PJVK: variants seen among roughly 807,000 people sequenced by gnomAD.
PJVK encodes the protein pejvakin.
In PJVK, 33 loss-of-function variants were observed where a neutral mutation model predicts 37.6. The observed-to-expected ratio is 0.88, with a 90% CI of 0.67 to 1.17. The LOEUF is 1.17. Ranked by LOEUF, PJVK falls within the 50% of genes most tolerant of loss-of-function variation. The pLI is 0.00. For missense variants in PJVK, 410 were observed against 413.8 expected (o/e 0.99, Z 0.08); for synonymous variants, 141 against 143.5 (o/e 0.98, Z 0.13).
intron 3 of PJVK, chr2:178,455,028 G>A (rs969780770): frequency 2.6e-6 from 3 of 1,136,282 alleles, no homozygotes; most frequent in African/African-American, 3.0e-5. Flanking sequence ...GAAGGACGTG[G>A]TGGTGGCATC....
intron 5 of PJVK, 73 bp downstream of exon 5, chr2:178,458,700 C>G (rs1467888161): frequency 8.7e-7 from 1 of 1,146,988 alleles, no homozygotes; most frequent in Non-Finnish European, 1.3e-6. Context: ...TGTGCTCTCT[C>G]TCTCTCTTTT....
chr2:178,457,516 T>C (rs577248187), intron 4 of PJVK, among the ~76,000 whole-genome samples: 7 of 152,336 alleles, frequency 4.6e-5, no homozygotes, highest in African/African-American at 1.7e-4. Context: ...CTCGGAAGGC[T>C]GAGGCAGGGG....
chr2:178,461,123 A>T lies in PJVK; in HGVS notation c.908A>T (p.Asn303Ile). The T allele has an allele frequency of 6.2e-7, 1 of 1,614,134 alleles. No individual in the cohort carries two copies. The highest frequency in any genetic ancestry group is 8.5e-7 in the Non-Finnish European group (1 of 1,180,022). Reference protein sequence around the residue: ...THIRVNLLNHNIPKGPCILCG... With the variant: ...THIRVNLLNHIIPKGPCILCG... ...ATCCGAGTTAACTTACTTAATCACA[A>T]CATTCCCAAAGGGCCTTGCATACTC... Residue 303 changes from asparagine (N) to isoleucine (I), a missense_variant, in exon 7 of 7, where the codon AAC becomes ATC. Transcript: ENST00000644580.
intron 4 of PJVK, among the ~76,000 whole-genome samples, chr2:178,456,927 T>G (rs923480475): frequency 1.5e-4 from 23 of 152,272 alleles, no homozygotes; most frequent in African/African-American, 5.5e-4. Context: ...TGAATTGATT[T>G]AAGTGATAGA....
intron 3 of PJVK, chr2:178,454,877 G>A (rs1047615603): frequency 1.7e-5 from 17 of 981,936 alleles, no homozygotes; most frequent in Admixed American, 6.8e-5. Flanking sequence ...AGGAAGATGA[G>A]GAGGAGGAAG....
At chr2:178,459,892 G>C (rs1684375870) in intron 5 of PJVK, 1 of 166,452 alleles carries the variant, frequency 6.0e-6, no homozygotes. Context: ...ACATTAAGGA[G>C]ACTAAATAAT....
Position 178,460,347 on chromosome 2 carries a change from G to T in PJVK, c.668-1G>T. The T allele has an allele frequency of 6.2e-7, 1 of 1,613,256 alleles. No individual in the cohort carries two copies. Among genetic ancestry groups the T allele is most frequent in the South Asian group, 1.1e-5 (1 of 91,034 alleles). ...ACATCTTCTAACAATTTTTTTTGTAGACCTTTGTGTCACTTCAGTGTCAAA... is the reference window on the plus strand; with the variant it reads ...ACATCTTCTAACAATTTTTTTTGTATACCTTTGTGTCACTTCAGTGTCAAA... On this transcript the variant is annotated splice_acceptor_variant, in intron 5 of 6. Coordinates refer to ENST00000644580, the MANE Select transcript of PJVK (RefSeq NM_001042702.5). LOFTEE classifies it high-confidence loss of function.
intron 1 of PJVK, chr2:178,452,265 C>A (rs1383189846): frequency 1.0e-6 from 1 of 977,678 alleles, no homozygotes; most frequent in African/African-American, 1.8e-5. Context: ...TGCACTCCAG[C>A]CTGGGCGACA....
At chr2:178,451,872 T>C in intron 1 of PJVK, 103 bp downstream of exon 1, 1 of 985,038 alleles carries the variant, frequency 1.0e-6, no homozygotes, top group Non-Finnish European at 1.2e-6. Flanking sequence ...GCACCTTTGG[T>C]GGGCCATTAG....
At chr2:178,453,755 AATAAC>A (rs1697866929) in intron 2 of PJVK, 135 bp downstream of exon 2, 1 of 728,896 alleles carries the variant, frequency 1.4e-6, no homozygotes, top group Non-Finnish European at 2.4e-6. Context: ...ATGTTAGTGT[AATAAC>A]ATTATTAAGA....
In PJVK at chr2:178,454,454, G is replaced by A. The variant is rs999231863; in HGVS notation, c.334G>A (p.Val112Met). Residue 112 changes from valine (V) to methionine (M), a missense_variant, in exon 3 of 7, where the codon GTG (valine) becomes ATG (methionine). Coordinates refer to ENST00000644580, the MANE Select transcript of PJVK (RefSeq NM_001042702.5). Reference protein sequence around the residue: ...INVAGSDSIAVKASFGIVTKH... With the variant: ...INVAGSDSIAMKASFGIVTKH... ...CGTTGCTGGATCAGATTCCATTGCAGTGAAAGCTTCATTTGGTATAGTAAC... is the reference window on the plus strand; with the variant it reads ...CGTTGCTGGATCAGATTCCATTGCAATGAAAGCTTCATTTGGTATAGTAAC... 4 of 1,613,852 alleles carry A rather than the reference G, an allele frequency of 2.5e-6. No individual in the cohort carries two copies. Among genetic ancestry groups the A allele is most frequent in the South Asian group, 2.2e-5 (2 of 91,078 alleles).
intron 3 of PJVK, chr2:178,455,308 T>C: frequency 1.5e-6 from 2 of 1,343,706 alleles, no homozygotes; most frequent in Non-Finnish European, 2.1e-6. Context: ...AGACAATCTA[T>C]GACCAGTAAC....
At position 178,461,584 on chromosome 2, in the gene PJVK, C is replaced by CTTTTTTTTTTTTTTTTTTTTTTTTTTTTT. The variant is rs536141412; in HGVS notation, c.*328_*329insTTTTTTTTTTTTTTTTTTTTTTTTTTTTT. On this transcript the variant is annotated 3_prime_UTR_variant, in exon 7 of 7. Coordinates refer to ENST00000644580, the MANE Select transcript of PJVK (RefSeq NM_001042702.5). ...GATGTAGTCTATCATTTTAGTTCAC[C>CTTTTTTTTTTTTTTTTTTTTTTTTTTTTT]TTTTTTTTTTTTTTTTTTGAGACAG... is the stretch of plus-strand genomic sequence containing the variant. Among the ~76,000 whole-genome samples, 1 of 122,798 alleles carries CTTTTTTTTTTTTTTTTTTTTTTTTTTTTT rather than the reference C, an allele frequency of 8.1e-6. No individual in the cohort carries two copies. The highest frequency in any genetic ancestry group is 3.2e-5 in the African/African-American group (1 of 30,958). The allele number at this position is 122,798 out of a possible 152,430, so 80.6% of individuals were successfully genotyped here.
intron 3 of PJVK, chr2:178,455,345 G>C: frequency 7.7e-7 from 1 of 1,294,754 alleles, no homozygotes; most frequent in East Asian, 2.3e-5. Context: ...GCCAACCTCA[G>C]ACGAACAGAA....
chr2:178,456,612 A>G (rs1430549731), intron 4 of PJVK, among the ~76,000 whole-genome samples: 1 of 152,190 alleles, frequency 6.6e-6, no homozygotes, highest in Non-Finnish European at 1.5e-5. Context: ...CTGAAAATAC[A>G]AAAATTAGCC....
intron 1 of PJVK, 194 bp downstream of exon 1, chr2:178,451,963 C>T: frequency 1.8e-6 from 1 of 562,628 alleles, no homozygotes; most frequent in Non-Finnish European, 2.3e-6. Flanking sequence ...TGGAAGATTG[C>T]TTGCACAATG....
At chr2:178,457,171 A>G (rs1030534902) in intron 4 of PJVK, among the ~76,000 whole-genome samples, 1 of 152,108 alleles carries the variant, frequency 6.6e-6, no homozygotes, top group African/African-American at 2.4e-5. Flanking sequence ...TGACCTCGTG[A>G]TCCGCTAGCC....
In PJVK at chr2:178,460,962, TTC is replaced by T. The variant is rs1684467939; in HGVS notation, c.767-18_767-17del. On this transcript the variant is annotated intron_variant, in intron 6 of 6. Coordinates refer to ENST00000644580, the MANE Select transcript of PJVK (RefSeq NM_001042702.5). Reference sequence around the variant, plus strand: ...CATTTTCACTTCTAACACATTTCTTTTCTGTTTTTGTCCTTTTAGATAGAAGA... The same window carrying T: ...CATTTTCACTTCTAACACATTTCTTTTGTTTTTGTCCTTTTAGATAGAAGA... 6.2e-7 allele frequency: 1 copy of T among 1,611,562 alleles called. No individual in the cohort carries two copies. Among genetic ancestry groups the T allele is most frequent in the Non-Finnish European group, 8.5e-7 (1 of 1,178,758 alleles).
In PJVK at chr2:178,453,357, C is replaced by T. The variant is rs1242170634; in HGVS notation, c.-22-31C>T. Reference sequence around the variant, plus strand: ...GCTTAATTTTGTGCCTGATTTTCCTCTTTAAAAATGGATTTATCTGGGGGT... The same window carrying T: ...GCTTAATTTTGTGCCTGATTTTCCTTTTTAAAAATGGATTTATCTGGGGGT... On this transcript the variant is annotated intron_variant, in intron 1 of 6. Transcript: ENST00000644580. 2.5e-6 allele frequency: 4 copies of T among 1,591,396 alleles called. No homozygotes were observed. In the East Asian group the frequency reaches 6.7e-5, roughly 27 times the overall value.
Sources: gnomAD v4.1 joint callset for allele counts (sites outside exome capture counted in the v4.1 genomes callset) on GRCh38, gnomAD v4.1.1 for gene constraint, MANE v1.5 for transcripts, NCBI Gene and HGNC (gene_info 2026-07-23, HGNC 2026-07-21) for gene names.